Variants in PLEKHH2 observed in about 807,000 individuals in gnomAD.
PLEKHH2 encodes the protein pleckstrin homology, MyTH4 and FERM domain containing H2, also known as pleckstrin homology domain-containing family H member 2.
A neutral mutation model predicts 187.9 loss-of-function variants in PLEKHH2; 129 were observed. The observed-to-expected ratio is 0.69, with a 90% CI of 0.59 to 0.79. The LOEUF (loss-of-function observed/expected upper bound fraction) is 0.79. PLEKHH2 is among the 30% of genes least tolerant of loss of function. The pLI, the probability that PLEKHH2 is intolerant of heterozygous loss-of-function variation, is 0.00. For synonymous variants in PLEKHH2, 686 were observed against 605.6 expected, an observed-to-expected ratio of 1.13 and a Z score of -1.95; for missense variants, 2,076 against 1,751.2, an observed-to-expected ratio of 1.19 and a Z score of -3.31.
At chr2:43,668,789 A>G (rs1667349959) in intron 2 of PLEKHH2, among the ~76,000 whole-genome samples, 2 of 152,140 alleles carry the variant, frequency 1.3e-5, no homozygotes, top group African/African-American at 2.4e-5. Flanking sequence ...CTTGGGCAAC[A>G]TAGTGAGACC....
At chr2:43,741,636 A>G (rs1218971997) in intron 21 of PLEKHH2, among the ~76,000 whole-genome samples, 1 of 152,222 alleles carries the variant, frequency 6.6e-6, no homozygotes, top group Non-Finnish European at 1.5e-5. Context: ...CAGTAAAAGA[A>G]ACAAACAAAT....
chr2:43,733,208 C>T (rs1456108700), intron 19 of PLEKHH2, among the ~76,000 whole-genome samples: 1 of 151,910 alleles, frequency 6.6e-6, no homozygotes, highest in African/African-American at 2.4e-5. Context: ...TTAAAAAATA[C>T]AAAAATTAGC....
chr2:43,687,070 G>A (rs1262869587), intron 3 of PLEKHH2, among the ~76,000 whole-genome samples: 1 of 152,122 alleles, frequency 6.6e-6, no homozygotes, highest in African/African-American at 2.4e-5. Flanking sequence ...TGATGCTGAG[G>A]TTTGGGATAT....
At chr2:43,641,237 G>A (rs1665898981) in intron 1 of PLEKHH2, among the ~76,000 whole-genome samples, 1 of 152,048 alleles carries the variant, frequency 6.6e-6, no homozygotes, top group South Asian at 2.1e-4. Context: ...TCTTGATAGT[G>A]TCCTTTGAAG....
intron 15 of PLEKHH2, among the ~76,000 whole-genome samples, chr2:43,715,747 G>A (rs1670181262): frequency 1.3e-5 from 2 of 152,168 alleles, no homozygotes; most frequent in Non-Finnish European, 2.9e-5. Context: ...GGAAGATTAG[G>A]TGATTTTGGA....
In PLEKHH2 at chr2:43,699,780, C is replaced by A. The variant is rs1362515141; in HGVS notation, c.822C>A (p.Gly274=). The A allele has an allele frequency of 1.2e-6, 2 of 1,614,062 alleles. No homozygotes were observed. The highest frequency in any genetic ancestry group is 1.7e-6 in the Non-Finnish European group (2 of 1,180,028). Residue 274 remains glycine, a synonymous_variant, in exon 8 of 30, where the codon GGC becomes GGA. Coordinates refer to ENST00000282406, the MANE Select transcript of PLEKHH2 (RefSeq NM_172069.4). ...KTRTSFATDG[G]ISQNSGAPVS... ...GAACAAGCTTTGCCACAGATGGTGGCATCTCCCAGAATTCTGGGGCTCCTG... is the reference window on the plus strand; with the variant it reads ...GAACAAGCTTTGCCACAGATGGTGGAATCTCCCAGAATTCTGGGGCTCCTG...
chr2:43,732,814 C>T (rs1262955706), intron 19 of PLEKHH2, among the ~76,000 whole-genome samples: 2 of 152,138 alleles, frequency 1.3e-5, no homozygotes, highest in African/African-American at 4.8e-5. Context: ...TCAGCCAGAT[C>T]CCAACCTAGA....
intron 1 of PLEKHH2, among the ~76,000 whole-genome samples, chr2:43,643,289 C>T (rs571919051): frequency 6.6e-6 from 1 of 152,196 alleles, no homozygotes; most frequent in South Asian, 2.1e-4. Flanking sequence ...ACTTCCAGCT[C>T]TACAGTAATA....
At chr2:43,639,179 T>C (rs941046784) in intron 1 of PLEKHH2, among the ~76,000 whole-genome samples, 1 of 152,234 alleles carries the variant, frequency 6.6e-6, no homozygotes, top group African/African-American at 2.4e-5. Flanking sequence ...TTGATTAAAT[T>C]TGTAAATGCA....
chr2:43,649,846 G>A (rs1180110701), intron 2 of PLEKHH2, among the ~76,000 whole-genome samples: 1 of 152,160 alleles, frequency 6.6e-6, no homozygotes, highest in Non-Finnish European at 1.5e-5. Context: ...ACATCAGTGG[G>A]TGTGAAGGTC....
At chr2:43,761,409 G>C (rs1672423374) in intron 27 of PLEKHH2, among the ~76,000 whole-genome samples, 1 of 139,542 alleles carries the variant, frequency 7.2e-6, no homozygotes, top group African/African-American at 2.8e-5. Context: ...GTAGCTTTTA[G>C]CTTTTTTTTT....
At chr2:43,654,704 AC>A (rs34057211) in intron 2 of PLEKHH2, among the ~76,000 whole-genome samples, 3,209 of 111,952 alleles carry the variant, frequency 0.029, 78 homozygotes, top group African/African-American at 0.065. Flanking sequence ...ATAGTAAGAC[AC>A]CCCCCCCCCC....
chr2:43,667,348 A>C (rs1667267597), intron 2 of PLEKHH2, among the ~76,000 whole-genome samples: 1 of 152,218 alleles, frequency 6.6e-6, no homozygotes, highest in African/African-American at 2.4e-5. Flanking sequence ...GGAAATGTAA[A>C]ATTGTGCAGC....
chr2:43,757,030 A>T, intron 25 of PLEKHH2, 89 bp from the exon 26 acceptor site: 1 of 1,043,766 alleles, frequency 9.6e-7, no homozygotes, highest in Non-Finnish European at 1.3e-6. Context: ...TATGTGTTAA[A>T]AAAGAATGTT....
chr2:43,755,890 G>C (rs1205767394), intron 25 of PLEKHH2, among the ~76,000 whole-genome samples: 2 of 152,164 alleles, frequency 1.3e-5, no homozygotes, highest in Non-Finnish European at 2.9e-5. Flanking sequence ...GTTTTCTTAA[G>C]GGCTGAGCCT....
chr2:43,674,849 G>A (rs1667656570), intron 2 of PLEKHH2, among the ~76,000 whole-genome samples: 1 of 152,154 alleles, frequency 6.6e-6, no homozygotes, highest in South Asian at 2.1e-4. Context: ...GCTGGGCATG[G>A]TGGTGTGTAC....
At chr2:43,760,594 C>A (rs1389330827) in intron 27 of PLEKHH2, among the ~76,000 whole-genome samples, 2 of 152,150 alleles carry the variant, frequency 1.3e-5, no homozygotes, top group Non-Finnish European at 2.9e-5. Flanking sequence ...AACTCCTGAT[C>A]TGAAGTGATC....
intron 27 of PLEKHH2, among the ~76,000 whole-genome samples, chr2:43,759,874 C>A (rs1672357152): frequency 6.6e-6 from 1 of 152,202 alleles, no homozygotes; most frequent in Admixed American, 6.5e-5. Context: ...TTTTCCTCAT[C>A]TGTTAATGAA....
rs571056537 is a variant in PLEKHH2, at chr2:43,765,841, C to T, written c.*243C>T. On this transcript the variant is annotated 3_prime_UTR_variant, in exon 30 of 30. Transcript: ENST00000282406. ...ATAGAGTAAATGAGTAAGAATTCATCATTTTTTCCATCTCCCTTCTCCCTT... is the reference window on the plus strand; with the variant it reads ...ATAGAGTAAATGAGTAAGAATTCATTATTTTTTCCATCTCCCTTCTCCCTT... 2.7e-6 allele frequency: 1 copy of T among 372,158 alleles called. No individual in the cohort carries two copies. The highest frequency in any genetic ancestry group is 1.2e-4 in the South Asian group (1 of 8,516). The allele number at this position is 372,158 out of a possible 1,614,324, so 23.1% of individuals were successfully genotyped here.
Sources: allele counts gnomAD v4.1 joint callset (sites outside exome capture counted in the v4.1 genomes callset), GRCh38; gene constraint gnomAD v4.1.1; transcripts MANE v1.5; gene names NCBI Gene and HGNC (gene_info 2026-07-23, HGNC 2026-07-21).